ST6GALNAC3: variants seen among roughly 807,000 people sequenced by gnomAD.
ST6GALNAC3 encodes alpha-N-acetylgalactosaminide alpha-2,6-sialyltransferase 3.
A neutral mutation model predicts 32.7 loss-of-function variants in ST6GALNAC3; 25 were observed. The observed-to-expected ratio is 0.76, with a 90% confidence interval of 0.56 to 1.07. ST6GALNAC3 has a LOEUF of 1.07. ST6GALNAC3 is among the 50% of genes least tolerant of loss of function. The probability of loss-of-function intolerance (pLI) is 0.00; values close to 1 mark genes in which losing one functional copy is unlikely to be tolerated. For missense variants in ST6GALNAC3, 355 were observed against 382.4 expected (o/e 0.93, Z 0.60); for synonymous variants, 129 against 133.1 (o/e 0.97, Z 0.21).
chr1:76,291,757 A>T (rs866692793), intron 1 of ST6GALNAC3, among the ~76,000 whole-genome samples: 10 of 57,316 alleles, frequency 1.7e-4, no homozygotes, highest in Non-Finnish European at 5.4e-4. Context: ...GAATTTAATA[A>T]AAAAAAAGGG....
chr1:76,603,534 C>T (rs951361666), intron 3 of ST6GALNAC3, among the ~76,000 whole-genome samples: 2 of 152,144 alleles, frequency 1.3e-5, no homozygotes, highest in Non-Finnish European at 2.9e-5. Context: ...ATATTTTGTT[C>T]ATGGACACGT....
At chr1:76,395,638 C>G (rs1652898730) in intron 2 of ST6GALNAC3, among the ~76,000 whole-genome samples, 1 of 151,938 alleles carries the variant, frequency 6.6e-6, no homozygotes, top group African/African-American at 2.4e-5. Context: ...TATTATTCAG[C>G]CTTAAAAAAG....
chr1:76,329,692 T>A (rs887530385), intron 2 of ST6GALNAC3, among the ~76,000 whole-genome samples: 6 of 152,212 alleles, frequency 3.9e-5, no homozygotes, highest in African/African-American at 1.4e-4. Context: ...TATAAACACA[T>A]GGATCATTCT....
Position 76,346,954 on chromosome 1 carries a change from A to C in ST6GALNAC3, c.213+32955A>C, listed in dbSNP as rs141766182. Reference sequence around the variant, plus strand: ...TAGAGAAAGTTTTAGTTGAAATTGTATCTGTTAATACATTATTATTTTCTG... The same window carrying C: ...TAGAGAAAGTTTTAGTTGAAATTGTCTCTGTTAATACATTATTATTTTCTG... On this transcript the variant is annotated intron_variant, in intron 2 of 4. Coordinates refer to ENST00000328299, the MANE Select transcript of ST6GALNAC3 (RefSeq NM_152996.4). Among the ~76,000 whole-genome samples, 152 of 152,328 alleles carry C rather than the reference A, an allele frequency of 1.0e-3. 1 individual carries two copies. The highest frequency in any genetic ancestry group is 3.4e-3 in the African/African-American group (143 of 41,584).
intron 1 of ST6GALNAC3, among the ~76,000 whole-genome samples, chr1:76,183,871 T>TATATATATATATATATATATAC (rs1557679634): frequency 2.7e-5 from 4 of 146,766 alleles, no homozygotes; most frequent in African/African-American, 1.0e-4. Flanking sequence ...TATATATATA[T>TATATATATATATATATATATAC]ATGTATGTTA....
chr1:76,378,696 T>G (rs1420490355), intron 2 of ST6GALNAC3, among the ~76,000 whole-genome samples: 1 of 152,088 alleles, frequency 6.6e-6, no homozygotes, highest in East Asian at 1.9e-4. Flanking sequence ...ATTTGCTTTT[T>G]TTAGTGTTTT....
At chr1:76,628,373 TA>T (rs1649107779) in intron 4 of ST6GALNAC3, among the ~76,000 whole-genome samples, 2 of 151,990 alleles carry the variant, frequency 1.3e-5, no homozygotes, top group African/African-American at 4.8e-5. Context: ...TTTCAAAAGA[TA>T]GCCATATGTT....
chr1:76,374,739 T>C (rs1009553661), intron 2 of ST6GALNAC3, among the ~76,000 whole-genome samples: 7 of 152,186 alleles, frequency 4.6e-5, no homozygotes, highest in Admixed American at 2.0e-4. Flanking sequence ...TTACCTATTG[T>C]ACCTTAATTT....
At chr1:76,180,025 A>C (rs1258983579) in intron 1 of ST6GALNAC3, among the ~76,000 whole-genome samples, 3 of 152,192 alleles carry the variant, frequency 2.0e-5, no homozygotes, top group Non-Finnish European at 4.4e-5. Context: ...TCATCATCTG[A>C]CATTCCACTA....
intron 2 of ST6GALNAC3, among the ~76,000 whole-genome samples, chr1:76,329,038 C>A (rs1482645904): frequency 6.6e-6 from 1 of 152,188 alleles, no homozygotes; most frequent in Admixed American, 6.5e-5. Flanking sequence ...ATAACCCACT[C>A]TCAGCCTGTT....
chr1:76,454,974 T>G (rs189880447), intron 3 of ST6GALNAC3, among the ~76,000 whole-genome samples: 153 of 152,210 alleles, frequency 1.0e-3, no homozygotes, highest in Middle Eastern at 3.4e-3. Context: ...AGTTTTGTAT[T>G]ACATAGGAAT....
intron 1 of ST6GALNAC3, among the ~76,000 whole-genome samples, chr1:76,152,934 A>G (rs1360206836): frequency 2.0e-5 from 3 of 152,224 alleles, no homozygotes; most frequent in Non-Finnish European, 4.4e-5. Flanking sequence ...TAATGTGGTC[A>G]TTCATAAACC....
intron 3 of ST6GALNAC3, among the ~76,000 whole-genome samples, chr1:76,480,771 C>G (rs978657217): frequency 6.6e-6 from 1 of 152,086 alleles, no homozygotes; most frequent in Non-Finnish European, 1.5e-5. Flanking sequence ...TAAGTAATCA[C>G]TCTCCTTATT....
At chr1:76,311,512 T>C (rs1336246608) in intron 1 of ST6GALNAC3, among the ~76,000 whole-genome samples, 1 of 152,128 alleles carries the variant, frequency 6.6e-6, no homozygotes, top group Non-Finnish European at 1.5e-5. Flanking sequence ...CTCCCACTTA[T>C]GAGTGAGAAC....
rs76857310 is a variant in ST6GALNAC3, at chr1:76,592,848, G to A, written c.624-34604G>A. Among the ~76,000 whole-genome samples, 1,069 of 152,280 alleles carry A rather than the reference G, an allele frequency of 7.0e-3. 12 individuals are homozygous for A. The highest frequency in any genetic ancestry group is 0.037 in the Admixed American group (567 of 15,276). On this transcript the variant is annotated intron_variant, in intron 3 of 4. Coordinates refer to ENST00000328299, the MANE Select transcript of ST6GALNAC3 (RefSeq NM_152996.4). ...CTTCTCTAGCATAGCATTTGGGGAC[G>A]CAGAGGAGAGGATGTGTGCCTTACA... is the stretch of plus-strand genomic sequence containing the variant.
intron 1 of ST6GALNAC3, among the ~76,000 whole-genome samples, chr1:76,285,495 A>G (rs1659728052): frequency 6.6e-6 from 1 of 152,196 alleles, no homozygotes; most frequent in Admixed American, 6.5e-5. Flanking sequence ...CTCCACAAAA[A>G]TGTTTTAATC....
At chr1:76,566,762 G>A (rs746734367) in intron 3 of ST6GALNAC3, among the ~76,000 whole-genome samples, 12 of 152,126 alleles carry the variant, frequency 7.9e-5, no homozygotes, top group Non-Finnish European at 1.6e-4. Flanking sequence ...TTTCTTTTCT[G>A]CCTCCTGCCT....
chr1:76,296,362 C>T (rs939714474), intron 1 of ST6GALNAC3, among the ~76,000 whole-genome samples: 2 of 152,092 alleles, frequency 1.3e-5, no homozygotes, highest in African/African-American at 2.4e-5. Flanking sequence ...GAACTTTTAC[C>T]ACTAAATGGT....
intron 1 of ST6GALNAC3, among the ~76,000 whole-genome samples, chr1:76,268,037 A>G (rs1231595071): frequency 6.6e-6 from 1 of 152,188 alleles, no homozygotes; most frequent in Non-Finnish European, 1.5e-5. Flanking sequence ...GGACTCACAG[A>G]TCTCCATTTA....
Sources: allele counts gnomAD v4.1 joint callset (sites outside exome capture counted in the v4.1 genomes callset), GRCh38; gene constraint gnomAD v4.1.1; transcripts MANE v1.5; gene names NCBI Gene and HGNC (gene_info 2026-07-23, HGNC 2026-07-21).